TUSC3: variants seen among roughly 807,000 people sequenced by gnomAD.
The protein encoded by TUSC3 is tumor suppressor candidate 3, also known as dolichyl-diphosphooligosaccharide--protein glycosyltransferase subunit TUSC3.
In TUSC3, 45 loss-of-function variants were observed where a neutral mutation model predicts 44.8. The ratio of observed to expected loss-of-function variants is 1.00; its 90% CI spans 0.79 to 1.29. TUSC3 has a LOEUF of 1.29. Among genes scored for constraint, TUSC3 ranks in the 50% most tolerant of loss-of-function variants. The pLI is 0.00. For missense variants in TUSC3, 519 were observed against 437.9 expected (o/e 1.19, Z -1.65); for synonymous variants, 212 against 152.9 (o/e 1.39, Z -2.85).
chr8:15,473,656 T>C (rs374633632), intron 1 of TUSC3, among the ~76,000 whole-genome samples: 234 of 152,274 alleles, frequency 1.5e-3, no homozygotes, highest in African/African-American at 5.5e-3. Flanking sequence ...GCTACCCACC[T>C]GAGCCGCAAA....
chr8:15,575,909 A>C (rs1803082977), intron 1 of TUSC3, among the ~76,000 whole-genome samples: 1 of 152,170 alleles, frequency 6.6e-6, no homozygotes, highest in Non-Finnish European at 1.5e-5. Flanking sequence ...ACATTGGGGA[A>C]AGTGTTATAA....
At chr8:15,776,909 G>A in the TUSC3 span, among the ~76,000 whole-genome samples, 19 of 147,014 alleles carry the variant, frequency 1.3e-4, no homozygotes, top group South Asian at 1.1e-3. Context: ...GAAATTTTAC[G>A]TGTAACACTG....
chr8:15,743,561 G>T lies in TUSC3; in HGVS notation c.886G>T (p.Val296Phe), dbSNP rs1811284575. The change falls in exon 8 of 11, where the codon GTT (valine) becomes TTT (phenylalanine). Residue 296 changes from valine to phenylalanine, a missense_variant. Val to Phe is a conservative substitution (Grantham distance 50, BLOSUM62 -1). Transcript: ENST00000503731. ...AGATGCCGCTATCACCATGGGGATG[G>T]TTCTTCTAAATGAAGCAGCAACTTC... ...VLNAAITMGMVLLNEAATSKG... is the reference protein window; with the variant it reads ...VLNAAITMGMFLLNEAATSKG... The T allele has an allele frequency of 2.5e-6, 4 of 1,613,940 alleles. No homozygotes were observed. Among genetic ancestry groups the T allele is most frequent in the Admixed American group, 1.7e-5 (1 of 60,010 alleles).
chr8:15,777,381 G>A, the TUSC3 span, among the ~76,000 whole-genome samples: 1 of 152,144 alleles, frequency 6.6e-6, no homozygotes, highest in Non-Finnish European at 1.5e-5. Context: ...ACTGCAGTTT[G>A]TGTTACCTAT....
At chr8:15,489,332 C>T (rs1047720512) in intron 2 of TUSC3, among the ~76,000 whole-genome samples, 1 of 152,054 alleles carries the variant, frequency 6.6e-6, no homozygotes, top group Admixed American at 6.5e-5. Context: ...AAGGACTGTC[C>T]AAGTTAAGGG....
At chr8:15,465,332 A>C (rs1255858740) in intron 1 of TUSC3, among the ~76,000 whole-genome samples, 1 of 152,324 alleles carries the variant, frequency 6.6e-6, no homozygotes, top group East Asian at 1.9e-4. Flanking sequence ...AGGGAAACTT[A>C]CATGTCTCAA....
intron 9 of TUSC3, among the ~76,000 whole-genome samples, chr8:15,757,128 A>C (rs995552609): frequency 3.3e-5 from 5 of 152,154 alleles, no homozygotes; most frequent in African/African-American, 1.2e-4. Flanking sequence ...CAGACTGAGA[A>C]TCTGTCTCTA....
chr8:15,770,568 A>G (rs77906324), downstream of TUSC3, among the ~76,000 whole-genome samples: 2,597 of 152,250 alleles, frequency 0.017, 66 homozygotes, highest in African/African-American at 0.06. Flanking sequence ...AAAATTATGA[A>G]AAGGAGTCAA....
intron 1 of TUSC3, among the ~76,000 whole-genome samples, chr8:15,597,588 A>G (rs1203880591): frequency 6.6e-6 from 1 of 152,092 alleles, no homozygotes; most frequent in Non-Finnish European, 1.5e-5. Context: ...CTAAAATACT[A>G]ACAACATCTA....
chr8:15,635,924 G>C (rs956402227), intron 2 of TUSC3, among the ~76,000 whole-genome samples: 2 of 152,184 alleles, frequency 1.3e-5, no homozygotes, highest in African/African-American at 2.4e-5. Flanking sequence ...TGACCTCTTG[G>C]TGACTAGTTC....
the TUSC3 span, among the ~76,000 whole-genome samples, chr8:15,784,032 G>T: frequency 5.9e-5 from 9 of 152,064 alleles, no homozygotes; most frequent in Non-Finnish European, 8.8e-5. Flanking sequence ...TTTTAAAAAT[G>T]GGCAATGGAC....
intron 2 of TUSC3, among the ~76,000 whole-genome samples, chr8:15,503,267 A>C (rs1336444422): frequency 6.6e-6 from 1 of 152,172 alleles, no homozygotes; most frequent in African/African-American, 2.4e-5. Context: ...TCTACAAGCC[A>C]AGGAGAGAGG....
chr8:15,706,544 G>C (rs73528562), intron 6 of TUSC3, among the ~76,000 whole-genome samples: 14,023 of 152,024 alleles, frequency 0.092, 755 homozygotes, highest in East Asian at 0.23. Context: ...AAAAGGGTTT[G>C]AAGTGTTAAT....
chr8:15,446,800 G>C (rs1800111058), intron 1 of TUSC3, among the ~76,000 whole-genome samples: 1 of 150,782 alleles, frequency 6.6e-6, no homozygotes, highest in Non-Finnish European at 1.5e-5. Context: ...ATAATTTACA[G>C]ATTAAATAAA....
At chr8:15,647,502 C>G (rs1173089571) in intron 2 of TUSC3, among the ~76,000 whole-genome samples, 1 of 152,094 alleles carries the variant, frequency 6.6e-6, no homozygotes, top group Non-Finnish European at 1.5e-5. Flanking sequence ...TTCTTTTCAT[C>G]TCGAAGTCTA....
chr8:15,808,825 G>T, the TUSC3 span, among the ~76,000 whole-genome samples: 2 of 151,486 alleles, frequency 1.3e-5, no homozygotes, highest in South Asian at 4.2e-4. Context: ...GTGCTTCCAG[G>T]GATTCTGAAG....
the TUSC3 span, among the ~76,000 whole-genome samples, chr8:15,827,935 T>A: frequency 2.8e-3 from 426 of 152,014 alleles, 1 homozygote; most frequent in African/African-American, 9.9e-3. Context: ...CAATTGTGTA[T>A]ATCTCAAAAT....
At position 15,662,169 on chromosome 8, in the gene TUSC3, G is replaced by A; in HGVS notation, c.581G>A (p.Arg194Lys). The change falls in exon 5 of 11, where the codon AGA becomes AAA. Residue 194 changes from arginine to lysine, a missense_variant. Transcript: ENST00000503731. ...GCATTTTTGCAGATTCGGGTTTTCA[G>A]ACCACCCAACTACTCTGGTACCATT... is the stretch of plus-strand genomic sequence containing the variant. The part of the protein sequence containing the change: ...DRTDVHIRVF[R>K]PPNYSGTIAL... The A allele has an allele frequency of 6.2e-7, 1 of 1,612,786 alleles. No individual in the cohort carries two copies. Among genetic ancestry groups the A allele is most frequent in the Non-Finnish European group, 8.5e-7 (1 of 1,179,150 alleles).
intron 1 of TUSC3, among the ~76,000 whole-genome samples, chr8:15,584,499 T>C (rs1003519333): frequency 6.6e-6 from 1 of 152,178 alleles, no homozygotes; most frequent in Non-Finnish European, 1.5e-5. Context: ...AGAGACTCTT[T>C]AGTGAGGGAG....
Sources: allele counts gnomAD v4.1 joint callset (sites outside exome capture counted in the v4.1 genomes callset), GRCh38; gene constraint gnomAD v4.1.1; transcripts MANE v1.5; gene names NCBI Gene and HGNC (gene_info 2026-07-23, HGNC 2026-07-21).